TSPEAR: variants seen among roughly 807,000 people sequenced by gnomAD.
TSPEAR encodes thrombospondin type laminin G domain and EAR repeats.
A neutral mutation model predicts 71.6 loss-of-function variants in TSPEAR; 69 were observed. That is an observed-to-expected ratio of 0.96 (90% CI 0.79 to 1.18). The LOEUF (loss-of-function observed/expected upper bound fraction) is 1.18. Ranked by LOEUF, TSPEAR falls within the 50% of genes most tolerant of loss-of-function variation. TSPEAR has a pLI of 0.00. For missense variants in TSPEAR, 971 were observed against 894.9 expected (o/e 1.09, Z -1.09); for synonymous variants, 402 against 387.2 (o/e 1.04, Z -0.45).
intron 11 of TSPEAR, among the ~76,000 whole-genome samples, chr21:44,503,717 CGGCGGGA>C (rs2052108801): frequency 8.0e-6 from 1 of 124,768 alleles, no homozygotes; most frequent in African/African-American, 3.3e-5. Flanking sequence ...GGTGAGCCCT[CGGCGGGA>C]AGCAAGGCTC....
At chr21:44,639,467 C>T (rs1185735397) in intron 1 of TSPEAR, among the ~76,000 whole-genome samples, 1 of 152,242 alleles carries the variant, frequency 6.6e-6, no homozygotes, top group Non-Finnish European at 1.5e-5. Context: ...CCCCTCGAGG[C>T]AGATCACCCA....
chr21:44,597,432 C>CTTTCTTTTTT (rs1980437877), intron 1 of TSPEAR, among the ~76,000 whole-genome samples: 14 of 130,622 alleles, frequency 1.1e-4, no homozygotes, highest in African/African-American at 4.6e-4. Flanking sequence ...TTCTTTCTTT[C>CTTTCTTTTTT]TTTTCTTTTT....
At chr21:44,649,213 C>CT (rs1984626307) in intron 1 of TSPEAR, among the ~76,000 whole-genome samples, 1 of 152,194 alleles carries the variant, frequency 6.6e-6, no homozygotes, top group African/African-American at 2.4e-5. Flanking sequence ...ATCAGAGACC[C>CT]TCCAGCCTGC....
At chr21:44,533,131 G>A (rs587666586) in intron 3 of TSPEAR, among the ~76,000 whole-genome samples, 2 of 152,350 alleles carry the variant, frequency 1.3e-5, no homozygotes, top group African/African-American at 4.8e-5. Context: ...GATGTGCAGC[G>A]GGTTTTGTGT....
chr21:44,697,613 C>T (rs1569265809), intron 1 of TSPEAR: 1 of 1,614,026 alleles, frequency 6.2e-7, no homozygotes. Context: ...GTCTAGCTGC[C>T]AGCCAGCTTG....
chr21:44,550,673 C>T (rs368168570), intron 2 of TSPEAR: 366 of 1,612,038 alleles, frequency 2.3e-4, no homozygotes, highest in Non-Finnish European at 3.1e-4. Flanking sequence ...GCCCGGCTGG[C>T]CCTGGGGGAC....
Position 44,549,903 on chromosome 21 carries a change from C to G in TSPEAR, c.304-15980G>C, listed in dbSNP as rs1292031621. On this transcript the variant is annotated intron_variant, in intron 2 of 11. Transcript: ENST00000323084. ...AGCCTGGTGCAGGAACAGAGGGCGC[C>G]CCTGAGCGTATGTGAGTGTGCGCAG... 1.3e-5 allele frequency among the ~76,000 whole-genome samples: 2 copies of G among 152,234 alleles called. 1 individual carries two copies. The highest frequency in any genetic ancestry group is 4.8e-5 in the African/African-American group (2 of 41,458).
In TSPEAR at chr21:44,642,425, G is replaced by A. The variant is rs1488657786; in HGVS notation, c.82+69008C>T. On this transcript the variant is annotated intron_variant, in intron 1 of 11. Coordinates refer to ENST00000323084, the MANE Select transcript of TSPEAR (RefSeq NM_144991.3). The surrounding 1 kb of genome is among the most constrained non-coding windows in gnomAD (Gnocchi z 4.1). ...GCCAAAACCAGGAATAACAGCGAGAGAGATAGGACTGTAGACCAACATCAT... is the reference window on the plus strand; with the variant it reads ...GCCAAAACCAGGAATAACAGCGAGAAAGATAGGACTGTAGACCAACATCAT... Among the ~76,000 whole-genome samples, 2 of 152,196 alleles carry A rather than the reference G, an allele frequency of 1.3e-5. No individual in the cohort carries two copies. Among genetic ancestry groups the A allele is most frequent in the Non-Finnish European group, 2.9e-5 (2 of 68,046 alleles).
intron 1 of TSPEAR, among the ~76,000 whole-genome samples, chr21:44,658,974 C>T (rs1985334352): frequency 6.6e-6 from 1 of 152,164 alleles, no homozygotes; most frequent in South Asian, 2.1e-4. Flanking sequence ...GCAGGAAACT[C>T]TTTCAAACAA....
chr21:44,512,102 C>T (rs1382202891), intron 9 of TSPEAR, among the ~76,000 whole-genome samples: 1 of 152,214 alleles, frequency 6.6e-6, no homozygotes, highest in African/African-American at 2.4e-5. Flanking sequence ...AACTGCAGGA[C>T]AGACACACAG....
chr21:44,573,894 T>G (rs782558607), intron 1 of TSPEAR: 12 of 1,612,056 alleles, frequency 7.4e-6, no homozygotes, highest in Non-Finnish European at 1.0e-5. Flanking sequence ...CGCCCCCAGC[T>G]GCTGCGCCCC....
rs1452077349 is a variant in TSPEAR, at chr21:44,711,375, A to G, written c.82+58T>C. The G allele has an allele frequency of 2.7e-6, 4 of 1,478,912 alleles. No homozygotes were observed. The African/African-American group carries it at 4.2e-5, about 16-fold the overall frequency. 91.6% of individuals were successfully genotyped at this position (1,478,912 alleles called of 1,614,324 possible). On this transcript the variant is annotated intron_variant, in intron 1 of 11. Transcript: ENST00000323084. The surrounding 1 kb of genome is among the most constrained non-coding windows in gnomAD (Gnocchi z 4.5). ...TAGAAAGTGGCATTTGTGACTCGAC[A>G]CCCCTCCCAGCTCCCCGGCAAGATA...
At chr21:44,677,892 G>T in intron 1 of TSPEAR, 3 of 1,394,534 alleles carry the variant, frequency 2.2e-6, no homozygotes, top group South Asian at 1.2e-5. Flanking sequence ...AGCCCATTTG[G>T]CATATAGGAT....
At chr21:44,540,316 T>C in intron 2 of TSPEAR, 1 of 1,193,204 alleles carries the variant, frequency 8.4e-7, no homozygotes, top group Non-Finnish European at 1.2e-6. Context: ...GTCCCCTTCC[T>C]GGTTGCTGAG....
intron 1 of TSPEAR, among the ~76,000 whole-genome samples, chr21:44,632,867 T>C (rs1385661488): frequency 1.3e-5 from 2 of 152,048 alleles, no homozygotes; most frequent in Admixed American, 6.6e-5. Flanking sequence ...AGAAAAGAAA[T>C]AAAGAACACT....
In TSPEAR at chr21:44,528,565, G is replaced by C. The variant is rs587636728; in HGVS notation, c.809C>G (p.Thr270Arg). The C allele has an allele frequency of 6.2e-7, 1 of 1,613,900 alleles. No individual in the cohort carries two copies. The highest frequency in any genetic ancestry group is 1.3e-5 in the African/African-American group (1 of 74,934). The change falls in exon 6 of 12, where the codon ACG (threonine) becomes AGG (arginine). Residue 270 changes from threonine to arginine, a missense_variant. Transcript: ENST00000323084. ...KYPYETNIRVTLGPQPPCTEV... is the reference protein window; with the variant it reads ...KYPYETNIRVRLGPQPPCTEV... ...GGTACACGGTGGCTGGGGTCCCAGC[G>C]TCACTCGAATGTTGGTTTCTGAGGG... is the stretch of plus-strand genomic sequence containing the variant.
intron 1 of TSPEAR, among the ~76,000 whole-genome samples, chr21:44,689,480 C>T (rs1354351867): frequency 4.0e-5 from 6 of 149,062 alleles, no homozygotes; most frequent in African/African-American, 1.5e-4. Flanking sequence ...CCAGCCTGGG[C>T]GACAGAGCGA....
In TSPEAR at chr21:44,546,649, A is replaced by G; in HGVS notation, c.304-12726T>C. Among the ~76,000 whole-genome samples, 1 of 152,148 alleles carries G rather than the reference A, an allele frequency of 6.6e-6. No individual in the cohort carries two copies. The highest frequency in any genetic ancestry group is 3.2e-3 in the Middle Eastern group (1 of 316). Reference sequence around the variant, plus strand: ...GGCCCCTCTTTCATTTTTGAAGGATAATTTTGTCAGATGCTGATGCCTTTT... The same window carrying G: ...GGCCCCTCTTTCATTTTTGAAGGATGATTTTGTCAGATGCTGATGCCTTTT... On this transcript the variant is annotated intron_variant, in intron 2 of 11. Transcript: ENST00000323084. This position sits in a 1 kb window ranked among gnomAD's most constrained non-coding sequence, Gnocchi z 4.4.
chr21:44,646,102 G>A (rs1317761164), intron 1 of TSPEAR, among the ~76,000 whole-genome samples: 2 of 109,192 alleles, frequency 1.8e-5, no homozygotes, highest in African/African-American at 3.5e-5. Flanking sequence ...TCCAGCCTGG[G>A]TGACAGAGCA....
Sources: gnomAD v4.1 joint callset for allele counts (sites outside exome capture counted in the v4.1 genomes callset) on GRCh38, gnomAD v4.1.1 for gene constraint, Gnocchi (gnomAD v3.1) non-coding constraint, MANE v1.5 for transcripts, NCBI Gene and HGNC (gene_info 2026-07-23, HGNC 2026-07-21) for gene names.